The following CALN1 variants were observed in gnomAD, a reference collection of about 807,000 sequenced individuals.
CALN1 encodes the protein calcium-binding protein 8.
In CALN1, 17 loss-of-function variants were observed where a neutral mutation model predicts 30.6. The observed-to-expected ratio is 0.56, with a 90% CI of 0.38 to 0.83. The LOEUF (loss-of-function observed/expected upper bound fraction) is 0.83. Ranked by LOEUF, CALN1 falls within the 40% of genes least tolerant of loss-of-function variation. The probability of loss-of-function intolerance (pLI) is 0.00; values close to 1 mark genes in which losing one functional copy is unlikely to be tolerated. For synonymous variants in CALN1, 156 were observed against 131.4 expected (o/e 1.19, Z -1.28); for missense variants, 291 against 354.9 (o/e 0.82, Z 1.45).
intron 5 of CALN1, among the ~76,000 whole-genome samples, chr7:71,838,526 A>G (rs1217516234): frequency 6.6e-6 from 1 of 152,192 alleles, no homozygotes; most frequent in African/African-American, 2.4e-5. Context: ...TCCTGGGCTC[A>G]AGTGATCCTT....
chr7:72,459,201 G>T, the CALN1 span, among the ~76,000 whole-genome samples: 2 of 152,088 alleles, frequency 1.3e-5, no homozygotes, highest in South Asian at 2.1e-4. Context: ...ACCGCGCCTG[G>T]TCGTATATTT....
the CALN1 span, among the ~76,000 whole-genome samples, chr7:72,471,773 C>T: frequency 9.9e-5 from 15 of 152,126 alleles, no homozygotes; most frequent in African/African-American, 3.6e-4. Flanking sequence ...CAGTTGTCCA[C>T]CACGTGGGGC....
intron 2 of CALN1, among the ~76,000 whole-genome samples, chr7:72,283,054 CAA>C (rs34378708): frequency 1.9e-3 from 237 of 122,262 alleles, no homozygotes; most frequent in Middle Eastern, 4.3e-3. Flanking sequence ...GACTCCATCT[CAA>C]AAAAAAAAAA....
At chr7:71,994,468 T>C (rs1799135380) in intron 5 of CALN1, among the ~76,000 whole-genome samples, 1 of 135,762 alleles carries the variant, frequency 7.4e-6, no homozygotes, top group Admixed American at 8.5e-5. Context: ...GCCGAGATCG[T>C]GCCACTGCAC....
At chr7:72,445,426 C>T (rs151129905) in intron 1 of CALN1, among the ~76,000 whole-genome samples, 4 of 152,260 alleles carry the variant, frequency 2.6e-5, no homozygotes, top group South Asian at 2.1e-4. Context: ...GCTGAGAGCA[C>T]GACCTTTAAA....
At chr7:71,890,164 G>T (rs1793159298) in intron 5 of CALN1, among the ~76,000 whole-genome samples, 1 of 152,124 alleles carries the variant, frequency 6.6e-6, no homozygotes, top group Non-Finnish European at 1.5e-5. Context: ...AAGTGCAGTG[G>T]CACAATCATA....
chr7:72,312,924 T>C (rs998579663), intron 2 of CALN1, among the ~76,000 whole-genome samples: 11 of 151,914 alleles, frequency 7.2e-5, no homozygotes, highest in African/African-American at 2.4e-4. Flanking sequence ...AACCTCCACC[T>C]CCCGGGTTCA....
At chr7:71,869,114 G>T (rs1013444160) in intron 5 of CALN1, among the ~76,000 whole-genome samples, 2 of 152,158 alleles carry the variant, frequency 1.3e-5, no homozygotes, top group African/African-American at 4.8e-5. Context: ...CTCCTAAAAT[G>T]GGAGATGAGA....
At chr7:71,821,608 T>C (rs1006877925) in intron 5 of CALN1, among the ~76,000 whole-genome samples, 20 of 152,290 alleles carry the variant, frequency 1.3e-4, no homozygotes, top group Admixed American at 1.1e-3. Flanking sequence ...GTGGGAACTA[T>C]GGGAGCCACA....
chr7:72,364,638 G>T (rs571317227), intron 2 of CALN1, among the ~76,000 whole-genome samples: 1 of 152,224 alleles, frequency 6.6e-6, no homozygotes, highest in African/African-American at 2.4e-5. Flanking sequence ...GACAAACATA[G>T]ATCCTCAGGA....
intron 4 of CALN1, among the ~76,000 whole-genome samples, chr7:72,101,734 C>A (rs1195978928): frequency 6.6e-6 from 1 of 152,166 alleles, no homozygotes; most frequent in Non-Finnish European, 1.5e-5. Context: ...CAAACATCTC[C>A]TTATCATAAC....
At chr7:72,120,351 A>T (rs1808292222) in intron 3 of CALN1, among the ~76,000 whole-genome samples, 1 of 152,120 alleles carries the variant, frequency 6.6e-6, no homozygotes, top group East Asian at 1.9e-4. Context: ...TCAATTTTCA[A>T]TCTTCCATAT....
At chr7:72,179,375 G>T (rs182016865) in intron 3 of CALN1, among the ~76,000 whole-genome samples, 2 of 152,008 alleles carry the variant, frequency 1.3e-5, no homozygotes, top group African/African-American at 2.4e-5. Context: ...AATGGCTAGC[G>T]CTGGCAAATA....
chr7:72,323,670 A>AAAG (rs1562886532), intron 2 of CALN1, among the ~76,000 whole-genome samples: 2 of 150,676 alleles, frequency 1.3e-5, no homozygotes, highest in Non-Finnish European at 3.0e-5. Context: ...TCAAAAAAAA[A>AAAG]AAAATAAAAA....
intron 2 of CALN1, among the ~76,000 whole-genome samples, chr7:72,373,629 C>G (rs1804378716): frequency 6.6e-6 from 1 of 152,100 alleles, no homozygotes; most frequent in Admixed American, 6.5e-5. Context: ...GTAAACTAGG[C>G]TAAGTTATGA....
At chr7:72,072,961 C>T (rs1453691861) in intron 4 of CALN1, among the ~76,000 whole-genome samples, 2 of 152,076 alleles carry the variant, frequency 1.3e-5, no homozygotes, top group Admixed American at 1.3e-4. Flanking sequence ...GATCACTACA[C>T]ACAAAAGAAG....
At chr7:72,155,043 CATG>C (rs1033226567) in intron 3 of CALN1, among the ~76,000 whole-genome samples, 3 of 151,764 alleles carry the variant, frequency 2.0e-5, no homozygotes, top group Non-Finnish European at 4.4e-5. Context: ...GACAACAGGG[CATG>C]ATCATGTCTC....
intron 5 of CALN1, among the ~76,000 whole-genome samples, chr7:71,957,926 G>A (rs975029258): frequency 5.9e-5 from 9 of 151,774 alleles, no homozygotes; most frequent in Admixed American, 3.9e-4. Flanking sequence ...TTAGCCAGGC[G>A]TGGTGGCATG....
intron 2 of CALN1, among the ~76,000 whole-genome samples, chr7:72,350,641 G>A (rs75045045): frequency 0.063 from 9,516 of 152,198 alleles, 409 homozygotes; most frequent in Non-Finnish European, 0.094. Context: ...GGTGGAGCAG[G>A]AGGAAGTTGA....
Sources: allele counts gnomAD v4.1 joint callset (sites outside exome capture counted in the v4.1 genomes callset), GRCh38; gene constraint gnomAD v4.1.1; transcripts MANE v1.5; gene names NCBI Gene and HGNC (gene_info 2026-07-23, HGNC 2026-07-21).